Variants in PBX1 observed in about 807,000 individuals in gnomAD.
PBX1 encodes pre-B-cell leukemia transcription factor 1.
A neutral mutation model predicts 53.4 loss-of-function variants in PBX1; 6 were observed. The ratio of observed to expected loss-of-function variants is 0.11; its 90% CI spans 0.06 to 0.22. The LOEUF (loss-of-function observed/expected upper bound fraction) is 0.22, where lower values mean the gene tolerates loss of function less well. Among genes scored for constraint, PBX1 ranks in the 10% least tolerant of loss-of-function variants. The pLI, the probability that PBX1 is intolerant of heterozygous loss-of-function variation, is 1.00. For synonymous variants in PBX1, 204 were observed against 212.3 expected (o/e 0.96, Z 0.34); for missense variants, 251 against 551.4 (o/e 0.46, Z 5.46).
chr1:164,628,026 A>G (rs1318085683), intron 2 of PBX1, among the ~76,000 whole-genome samples: 1 of 152,198 alleles, frequency 6.6e-6, no homozygotes, highest in Admixed American at 6.5e-5. Context: ...AAAGTATGTT[A>G]ATTGCTTTTT....
intron 2 of PBX1, among the ~76,000 whole-genome samples, chr1:164,700,202 C>T (rs1663037133): frequency 2.0e-5 from 3 of 152,138 alleles, no homozygotes; most frequent in African/African-American, 7.2e-5. Flanking sequence ...GGCTTTTCTT[C>T]AGGCAGGGAA....
intron 2 of PBX1, among the ~76,000 whole-genome samples, chr1:164,583,393 C>T (rs1654751289): frequency 6.6e-6 from 1 of 152,104 alleles, no homozygotes; most frequent in South Asian, 2.1e-4. Flanking sequence ...AAGAGGGTTC[C>T]ATTCCTGGGC....
At chr1:164,613,219 T>A (rs1249737355) in intron 2 of PBX1, among the ~76,000 whole-genome samples, 1 of 152,226 alleles carries the variant, frequency 6.6e-6, no homozygotes, top group Non-Finnish European at 1.5e-5. Context: ...TGTTCCAATT[T>A]GTGAGCTATA....
intron 2 of PBX1, among the ~76,000 whole-genome samples, chr1:164,636,545 C>G (rs1021201253): frequency 2.0e-5 from 3 of 152,096 alleles, no homozygotes; most frequent in Non-Finnish European, 4.4e-5. Context: ...AGTATTTCCT[C>G]TTGATTTTTA....
At chr1:164,745,302 C>T (rs980697762) in intron 2 of PBX1, among the ~76,000 whole-genome samples, 17 of 152,156 alleles carry the variant, frequency 1.1e-4, no homozygotes, top group Non-Finnish European at 1.5e-5. Context: ...TTTATCATCG[C>T]AGACTGTGTA....
Position 164,796,254 on chromosome 1 carries a change from C to T in PBX1, c.511-3445C>T, listed in dbSNP as rs149973600. On this transcript the variant is annotated intron_variant, in intron 3 of 8. Transcript: ENST00000420696. The stretch of plus-strand genomic sequence containing the variant: ...TCGAGCTCCTGACATCGTGTTCACC[C>T]GCCTCAGACTCCCAAAGTGCTAGGA... 7.4e-4 allele frequency among the ~76,000 whole-genome samples: 112 copies of T among 152,178 alleles called. No individual in the cohort carries two copies. The East Asian group carries it at 0.017, about 23-fold the overall frequency.
intron 2 of PBX1, among the ~76,000 whole-genome samples, chr1:164,617,332 G>A (rs1297060711): frequency 1.3e-5 from 2 of 152,218 alleles, no homozygotes; most frequent in African/African-American, 4.8e-5. Context: ...AGAATAAGGA[G>A]GAGATTGTGG....
At chr1:164,717,926 C>T (rs1394152754) in intron 2 of PBX1, among the ~76,000 whole-genome samples, 2 of 152,202 alleles carry the variant, frequency 1.3e-5, no homozygotes, top group African/African-American at 4.8e-5. Context: ...TGTTAATATA[C>T]TAGCAATCTT....
At chr1:164,666,096 A>G (rs1173572080) in intron 2 of PBX1, among the ~76,000 whole-genome samples, 2 of 152,192 alleles carry the variant, frequency 1.3e-5, no homozygotes, top group African/African-American at 2.4e-5. Flanking sequence ...AGTTGAAGAG[A>G]TACGGGATGT....
At chr1:164,798,238 A>G (rs1668884606) in intron 3 of PBX1, among the ~76,000 whole-genome samples, 1 of 152,212 alleles carries the variant, frequency 6.6e-6, no homozygotes, top group African/African-American at 2.4e-5. Flanking sequence ...TACTATTGTT[A>G]TTGTTATTGC....
chr1:164,820,616 C>T (rs1329085364), intron 7 of PBX1, among the ~76,000 whole-genome samples: 10 of 152,150 alleles, frequency 6.6e-5, no homozygotes, highest in Non-Finnish European at 1.0e-4. Flanking sequence ...TACTATCGGA[C>T]GTTTTCATTT....
At chr1:164,756,381 C>T (rs965348781) in intron 2 of PBX1, among the ~76,000 whole-genome samples, 1 of 152,132 alleles carries the variant, frequency 6.6e-6, no homozygotes, top group Non-Finnish European at 1.5e-5. Flanking sequence ...TTAATTTGGG[C>T]ATTGCGAAAC....
Position 164,884,898 on chromosome 1 carries a change from A to G in PBX1, n.258-14290A>G, listed in dbSNP as rs553577015. The stretch of plus-strand genomic sequence containing the variant: ...ATGTGATGAATAGCTAGGTATATAT[A>G]TGACAACCTCTAAATTCTCAAAATA... On this transcript the variant is annotated intron_variant and non_coding_transcript_variant, in intron 2 of 2. Coordinates refer to the PBX1 transcript ENST00000558796. Among the ~76,000 whole-genome samples the G allele has an allele frequency of 2.0e-5, 3 of 152,364 alleles. No homozygotes were observed. In the South Asian group the frequency reaches 6.2e-4, roughly 32 times the overall value.
intron 2 of PBX1, among the ~76,000 whole-genome samples, chr1:164,789,976 T>C (rs1056298723): frequency 6.6e-6 from 1 of 152,034 alleles, no homozygotes; most frequent in Non-Finnish European, 1.5e-5. Flanking sequence ...TTCTTTTTTT[T>C]TTCTAATTTG....
chr1:164,685,525 CCACCTCTT>C (rs1662046512), intron 2 of PBX1, among the ~76,000 whole-genome samples: 1 of 152,168 alleles, frequency 6.6e-6, no homozygotes, highest in Non-Finnish European at 1.5e-5. Flanking sequence ...GTCCCCCTTC[CCACCTCTT>C]ACAGCCATGA....
intron 2 of PBX1, chr1:164,683,258 A>G (rs1163011823): frequency 1.3e-5 from 2 of 152,202 alleles, no homozygotes; most frequent in Non-Finnish European, 2.9e-5. Context: ...AGACAGAAGA[A>G]ATAGCCCCAT....
At chr1:164,620,679 C>A (rs1447010354) in intron 2 of PBX1, among the ~76,000 whole-genome samples, 1 of 149,906 alleles carries the variant, frequency 6.7e-6, no homozygotes, top group Non-Finnish European at 1.5e-5. Context: ...CCCCTATATT[C>A]TTTTCTTTTC....
intron 2 of PBX1, among the ~76,000 whole-genome samples, chr1:164,672,190 T>C (rs968876331): frequency 1.3e-5 from 2 of 152,032 alleles, no homozygotes; most frequent in East Asian, 1.9e-4. Context: ...TACTCATGGG[T>C]GTAAACACAC....
chr1:164,631,248 C>T (rs1000351230), intron 2 of PBX1: 6 of 151,118 alleles, frequency 4.0e-5, no homozygotes, highest in South Asian at 2.1e-4. Flanking sequence ...TAAAACCAAA[C>T]GAATAGTTTC....
Sources: allele counts gnomAD v4.1 joint callset (sites outside exome capture counted in the v4.1 genomes callset), GRCh38; gene constraint gnomAD v4.1.1; transcripts MANE v1.5; gene names NCBI Gene and HGNC (gene_info 2026-07-23, HGNC 2026-07-21).